Variants in NAALADL2 observed in about 807,000 individuals in gnomAD.
NAALADL2 encodes inactive N-acetylated-alpha-linked acidic dipeptidase-like protein 2.
In NAALADL2, 76 loss-of-function variants were observed where a neutral mutation model predicts 87.2. The ratio of observed to expected loss-of-function variants is 0.87; its 90% CI spans 0.72 to 1.05. The LOEUF (loss-of-function observed/expected upper bound fraction) is 1.05, where lower values mean the gene tolerates loss of function less well. Ranked by LOEUF, NAALADL2 falls within the 50% of genes least tolerant of loss-of-function variation. NAALADL2 has a pLI of 0.00. For synonymous variants in NAALADL2, 354 were observed against 331.0 expected (o/e 1.07, Z -0.75); for missense variants, 1,089 against 945.8 (o/e 1.15, Z -1.99).
intron 1 of NAALADL2, among the ~76,000 whole-genome samples, chr3:174,890,539 A>C (rs1208468227): frequency 6.6e-6 from 1 of 152,212 alleles, no homozygotes; most frequent in Non-Finnish European, 1.5e-5. Flanking sequence ...TACAGACAGA[A>C]CAATTGATAA....
intron 9 of NAALADL2, among the ~76,000 whole-genome samples, chr3:175,503,789 T>G (rs970521808): frequency 6.6e-6 from 1 of 152,182 alleles, no homozygotes; most frequent in Non-Finnish European, 1.5e-5. Flanking sequence ...TGGTTTTTGC[T>G]TGCAAATCTG....
At chr3:175,785,025 T>C (rs543332278) in intron 13 of NAALADL2, among the ~76,000 whole-genome samples, 1 of 151,308 alleles carries the variant, frequency 6.6e-6, no homozygotes, top group East Asian at 1.9e-4. Flanking sequence ...TGAGTGAGAT[T>C]CTTAATCCTG....
intron 13 of NAALADL2, among the ~76,000 whole-genome samples, chr3:175,792,751 T>C (rs1338390627): frequency 5.3e-5 from 8 of 152,216 alleles, no homozygotes; most frequent in Non-Finnish European, 8.8e-5. Context: ...GAAGTGCAGA[T>C]GTTAGGTTGG....
At chr3:174,992,704 A>C (rs1328945038) in intron 1 of NAALADL2, among the ~76,000 whole-genome samples, 1 of 152,166 alleles carries the variant, frequency 6.6e-6, no homozygotes, top group African/African-American at 2.4e-5. Flanking sequence ...AAATGATATT[A>C]AAGTGTGGAA....
At chr3:175,737,253 G>A in intron 11 of NAALADL2, 53 bp from the exon 12 acceptor site, 1 of 1,046,604 alleles carries the variant, frequency 9.6e-7, no homozygotes, top group Non-Finnish European at 1.5e-6. Context: ...ACAAACAAAT[G>A]AAAACTCCTA....
chr3:175,301,370 C>A (rs1373539181), intron 4 of NAALADL2, among the ~76,000 whole-genome samples: 1 of 152,098 alleles, frequency 6.6e-6, no homozygotes. Context: ...CACATATATA[C>A]CTATGTAACA....
At chr3:174,891,119 A>G (rs768792193) in intron 1 of NAALADL2, among the ~76,000 whole-genome samples, 9 of 152,186 alleles carry the variant, frequency 5.9e-5, no homozygotes, top group Non-Finnish European at 1.2e-4. Flanking sequence ...CAGTAATAAT[A>G]CATTTTATTA....
At chr3:175,207,350 A>G (rs1263391005) in intron 2 of NAALADL2, among the ~76,000 whole-genome samples, 1 of 152,132 alleles carries the variant, frequency 6.6e-6, no homozygotes, top group African/African-American at 2.4e-5. Context: ...ATTAAAAAAA[A>G]AGAGATTAAA....
intron 2 of NAALADL2, among the ~76,000 whole-genome samples, chr3:175,118,622 A>G (rs1725657949): frequency 6.6e-6 from 1 of 151,710 alleles, no homozygotes; most frequent in Non-Finnish European, 1.5e-5. Context: ...CTTTTATTCA[A>G]TACTCTATAA....
chr3:175,084,996 T>A (rs1718604860), intron 1 of NAALADL2, among the ~76,000 whole-genome samples: 1 of 152,200 alleles, frequency 6.6e-6, no homozygotes, highest in Admixed American at 6.5e-5. Context: ...AAGGGCGCTA[T>A]ACACTGATGG....
intron 10 of NAALADL2, among the ~76,000 whole-genome samples, chr3:175,602,427 ATATGT>A (rs900012662): frequency 2.7e-4 from 41 of 151,066 alleles, no homozygotes; most frequent in South Asian, 1.0e-3. Flanking sequence ...TGTAAACATA[ATATGT>A]TATGTATTTA....
At chr3:175,682,025 G>C (rs946553692) in intron 11 of NAALADL2, among the ~76,000 whole-genome samples, 1 of 152,014 alleles carries the variant, frequency 6.6e-6, no homozygotes, top group Admixed American at 6.6e-5. Flanking sequence ...ATAACTTCAT[G>C]GTACAAGAGT....
At chr3:175,416,845 C>T (rs1021788084) in intron 5 of NAALADL2, among the ~76,000 whole-genome samples, 1 of 151,666 alleles carries the variant, frequency 6.6e-6, no homozygotes, top group South Asian at 2.1e-4. Flanking sequence ...TTCTATGATA[C>T]GTGAATGTAT....
intron 4 of NAALADL2, among the ~76,000 whole-genome samples, chr3:175,306,090 A>G (rs1216353968): frequency 6.6e-6 from 1 of 151,726 alleles, no homozygotes; most frequent in Admixed American, 6.6e-5. Flanking sequence ...TATATGTTTT[A>G]TTTTTCTTCC....
At chr3:174,860,303 C>G (rs919008640) in intron 1 of NAALADL2, among the ~76,000 whole-genome samples, 1 of 151,872 alleles carries the variant, frequency 6.6e-6, no homozygotes, top group East Asian at 1.9e-4. Flanking sequence ...GCTTAAGAAT[C>G]CCCGTATCTT....
At chr3:175,381,618 A>G (rs940987685) in intron 5 of NAALADL2, among the ~76,000 whole-genome samples, 11 of 152,174 alleles carry the variant, frequency 7.2e-5, no homozygotes, top group African/African-American at 2.7e-4. Context: ...TGATAATATT[A>G]TAGAGCGATA....
rs1491162200 is a variant in NAALADL2, at chr3:175,809,510, T to TAAAAAAAAA, written c.*6307_*6308insAAAAAAAAA. On this transcript the variant is annotated 3_prime_UTR_variant, in exon 14 of 14. Coordinates refer to ENST00000454872, the MANE Select transcript of NAALADL2 (RefSeq NM_207015.3). The stretch of plus-strand genomic sequence containing the variant: ...GCAACAAAGTGAGACCCTGTCTCTC[T>TAAAAAAAAA]TAAAAAAAAAAAAAAAAAAAAAAAA... The TAAAAAAAAA allele has an allele frequency of 2.6e-4, 9 of 34,384 alleles. No homozygotes were observed. The highest frequency in any genetic ancestry group is 5.0e-4 in the Admixed American group (1 of 2,008). 2.1% of individuals were successfully genotyped at this position (34,384 alleles called of 1,614,324 possible).
chr3:174,623,925 A>G (rs946745089), intron 2 of NAALADL2, among the ~76,000 whole-genome samples: 4 of 148,986 alleles, frequency 2.7e-5, no homozygotes, highest in Admixed American at 6.7e-5. Flanking sequence ...AGTTACTTGG[A>G]AAGTAGAGTG....
chr3:175,373,089 C>G (rs575198439), intron 5 of NAALADL2, among the ~76,000 whole-genome samples: 1 of 152,128 alleles, frequency 6.6e-6, no homozygotes, highest in Non-Finnish European at 1.5e-5. Flanking sequence ...CCAATCAAAG[C>G]CATATGAAAT....
Sources: allele counts gnomAD v4.1 joint callset (sites outside exome capture counted in the v4.1 genomes callset), GRCh38; gene constraint gnomAD v4.1.1; transcripts MANE v1.5; gene names NCBI Gene and HGNC (gene_info 2026-07-23, HGNC 2026-07-21).